The following AUH variants were observed in gnomAD, a reference collection of about 807,000 sequenced individuals.
The protein encoded by AUH is methylglutaconyl-CoA hydratase, mitochondrial.
A neutral mutation model predicts 42.3 loss-of-function variants in AUH; 29 were observed. That is an observed-to-expected ratio of 0.69 (90% CI 0.51 to 0.93). The LOEUF (loss-of-function observed/expected upper bound fraction) is 0.93, where lower values mean the gene tolerates loss of function less well. AUH is among the 40% of genes least tolerant of loss of function. The probability of loss-of-function intolerance (pLI) is 0.00; values close to 1 mark genes in which losing one functional copy is unlikely to be tolerated. For synonymous variants in AUH, 174 were observed against 166.4 expected (o/e 1.05, Z -0.35); for missense variants, 452 against 438.1 (o/e 1.03, Z -0.28).
Position 91,283,163 on chromosome 9 carries a change from C to A in AUH, c.655+12858G>T, listed in dbSNP as rs1398226218. Among the ~76,000 whole-genome samples the A allele has an allele frequency of 2.0e-5, 3 of 152,116 alleles. No individual in the cohort carries two copies. In the East Asian group the frequency reaches 5.8e-4, roughly 29 times the overall value. On this transcript the variant is annotated intron_variant, in intron 6 of 9. Transcript: ENST00000375731. ...GGATGCAAGGCTGGTTCAACATATG[C>A]AAATCAATAAACGTAATCCAGCATA...
At chr9:91,267,108 A>G (rs1830016123) in intron 6 of AUH, among the ~76,000 whole-genome samples, 1 of 152,246 alleles carries the variant, frequency 6.6e-6, no homozygotes, top group South Asian at 2.1e-4. Context: ...ATTGAAACTT[A>G]GAACTAGCAA....
At position 91,217,458 on chromosome 9, in the gene AUH, G is replaced by A. The variant is rs1014658164; in HGVS notation, c.844-131C>T. ...AGCAATGGCTGTCAGATACTAGATG[G>A]AAAATTTTCTGAGCCTTGCAAGGCT... On this transcript the variant is annotated intron_variant, in intron 7 of 9. Coordinates refer to ENST00000375731, the MANE Select transcript of AUH (RefSeq NM_001698.3). The A allele has an allele frequency of 3.6e-5, 34 of 942,772 alleles. No homozygotes were observed. The African/African-American group carries it at 5.5e-4, about 15-fold the overall frequency. The allele number at this position is 942,772 out of a possible 1,614,324, so 58.4% of individuals were successfully genotyped here. A position where few individuals can be genotyped will look rare whatever the true frequency, so the allele number is the denominator to read the frequency against.
At position 91,296,037 on chromosome 9, in the gene AUH, C is replaced by G; in HGVS notation, c.639G>C (p.Ala213=). 7 of 1,613,956 alleles carry G rather than the reference C, an allele frequency of 4.3e-6. No homozygotes were observed. The highest frequency in any genetic ancestry group is 5.9e-6 in the Non-Finnish European group (7 of 1,179,976). The change falls in exon 6 of 10, where the codon GCG becomes GCC. Residue 213 remains alanine (A), a synonymous_variant. Coordinates refer to ENST00000375731, the MANE Select transcript of AUH (RefSeq NM_001698.3). ...AKMGLVETKL[A]IIPGGGGTQR... ...TACTCATACCTCCACCAGGAATAAT[C>G]GCCAATTTTGTTTCAACCAGGCCCA... is the stretch of plus-strand genomic sequence containing the variant.
intron 6 of AUH, among the ~76,000 whole-genome samples, chr9:91,253,257 C>T (rs12375606): frequency 6.6e-6 from 1 of 152,120 alleles, no homozygotes; most frequent in Admixed American, 6.6e-5. Flanking sequence ...TTAGGGCTTT[C>T]TACATGGTAT....
chr9:91,257,461 C>T (rs989997016), intron 6 of AUH, among the ~76,000 whole-genome samples: 109 of 152,274 alleles, frequency 7.2e-4, no homozygotes, highest in African/African-American at 2.6e-3. Context: ...ATCCAGCCTC[C>T]TCCCACCCCA....
chr9:91,296,038 G>C lies in AUH; in HGVS notation c.638C>G (p.Ala213Gly), dbSNP rs774105176. The C allele has an allele frequency of 6.2e-7, 1 of 1,613,878 alleles. No individual in the cohort carries two copies. The highest frequency in any genetic ancestry group is 8.5e-7 in the Non-Finnish European group (1 of 1,179,986). Residue 213 changes from alanine to glycine, a missense_variant, in exon 6 of 10, where the codon GCG becomes GGG. Coordinates refer to ENST00000375731, the MANE Select transcript of AUH (RefSeq NM_001698.3). ...AKMGLVETKL[A>G]IIPGGGGTQR... ...ACTCATACCTCCACCAGGAATAATC[G>C]CCAATTTTGTTTCAACCAGGCCCAT...
intron 3 of AUH, among the ~76,000 whole-genome samples, chr9:91,344,046 T>C (rs1054185649): frequency 6.6e-6 from 1 of 152,190 alleles, no homozygotes; most frequent in African/African-American, 2.4e-5. Context: ...TTCTTCATTA[T>C]ACTCTCCTCC....
intron 6 of AUH, among the ~76,000 whole-genome samples, chr9:91,285,252 C>A (rs1230965232): frequency 6.7e-6 from 1 of 150,162 alleles, no homozygotes; most frequent in South Asian, 2.1e-4. Context: ...TAGGTGGGAA[C>A]TGAACAATGA....
intron 6 of AUH, among the ~76,000 whole-genome samples, chr9:91,291,101 G>C (rs979670575): frequency 9.2e-5 from 14 of 152,096 alleles, no homozygotes; most frequent in African/African-American, 3.4e-4. Context: ...ACAACCCTTG[G>C]CATTCCTTGG....
At chr9:91,311,311 T>G (rs945710447) in intron 4 of AUH, among the ~76,000 whole-genome samples, 20 of 152,214 alleles carry the variant, frequency 1.3e-4, no homozygotes, top group Non-Finnish European at 2.4e-4. Context: ...TTTAACATAA[T>G]TACCTGTATT....
intron 6 of AUH, among the ~76,000 whole-genome samples, chr9:91,295,082 T>G (rs1400124715): frequency 1.3e-5 from 2 of 152,158 alleles, no homozygotes; most frequent in Admixed American, 6.5e-5. Context: ...ATCTCATGCT[T>G]TTTTTAATAA....
In AUH at chr9:91,343,628, G is replaced by A. The variant is rs181944257; in HGVS notation, c.418+12255C>T. On this transcript the variant is annotated intron_variant, in intron 3 of 9. Coordinates refer to ENST00000375731, the MANE Select transcript of AUH (RefSeq NM_001698.3). ...AAAATACAAAAATTAGCCAGGTGTG[G>A]TGGTGCATGCCTGTAATCCCAGCTA... Among the ~76,000 whole-genome samples the A allele has an allele frequency of 1.1e-4, 17 of 152,268 alleles. No homozygotes were observed. The East Asian group carries it at 2.9e-3, about 26-fold the overall frequency.
At position 91,354,653 on chromosome 9, in the gene AUH, T is replaced by G. The variant is rs540337801; in HGVS notation, c.418+1230A>C. On this transcript the variant is annotated intron_variant, in intron 3 of 9. Transcript: ENST00000375731. ...AAACCTACTGCCAACAGAAAAACAA[T>G]GCCGGGATGACCACTAACACTTATT... Among the ~76,000 whole-genome samples, 11 of 152,268 alleles carry G rather than the reference T, an allele frequency of 7.2e-5. No homozygotes were observed. In the East Asian group the frequency reaches 2.1e-3, roughly 29 times the overall value.
Position 91,296,161 on chromosome 9 carries a change from A to C in AUH, c.599-84T>G, listed in dbSNP as rs879553839. 29 of 1,323,826 alleles carry C rather than the reference A, an allele frequency of 2.2e-5. 1 individual carries two copies. The Admixed American group carries it at 5.1e-4, about 23-fold the overall frequency. 82.0% of individuals were successfully genotyped at this position (1,323,826 alleles called of 1,614,324 possible). A position where few individuals can be genotyped will look rare whatever the true frequency, so the allele number is the denominator to read the frequency against. ...CTTGAAAAAGTTATGAGATATACTA[A>C]AATATTGTTTACTAATTAAATTGAT... On this transcript the variant is annotated intron_variant, in intron 5 of 9. Transcript: ENST00000375731.
chr9:91,301,392 A>G (rs979195951), intron 4 of AUH, among the ~76,000 whole-genome samples: 2 of 152,222 alleles, frequency 1.3e-5, no homozygotes, highest in Non-Finnish European at 2.9e-5. Context: ...TGGAATTAAT[A>G]AAAACTATTT....
intron 3 of AUH, chr9:91,343,117 A>T (rs1831228243): frequency 6.6e-6 from 1 of 152,124 alleles, no homozygotes; most frequent in East Asian, 1.9e-4. Context: ...GTAGACTATT[A>T]GTAGTTCAGT....
At position 91,256,094 on chromosome 9, in the gene AUH, AC is replaced by A. The variant is rs1277564744; in HGVS notation, c.656-35103del. ...TTGATCATTTGTAATATATGGAAGT[AC>A]TTGAAATTGCTTTTGGCTACTCCAT... On this transcript the variant is annotated intron_variant, in intron 6 of 9. Transcript: ENST00000375731. Among the ~76,000 whole-genome samples, 3 of 152,194 alleles carry A rather than the reference AC, an allele frequency of 2.0e-5. No individual in the cohort carries two copies. In the East Asian group the frequency reaches 5.8e-4, roughly 29 times the overall value.
At chr9:91,284,566 T>G (rs949514810) in intron 6 of AUH, among the ~76,000 whole-genome samples, 1 of 152,224 alleles carries the variant, frequency 6.6e-6, no homozygotes, top group African/African-American at 2.4e-5. Context: ...TCTACTCATC[T>G]GACAAAGGGC....
intron 3 of AUH, among the ~76,000 whole-genome samples, chr9:91,336,439 G>A (rs771563302): frequency 1.1e-4 from 17 of 152,016 alleles, no homozygotes; most frequent in Non-Finnish European, 1.9e-4. Flanking sequence ...AGACCAGTCT[G>A]GCTAACATGG....
Sources: gnomAD v4.1 joint callset for allele counts (sites outside exome capture counted in the v4.1 genomes callset) on GRCh38, gnomAD v4.1.1 for gene constraint, MANE v1.5 for transcripts, NCBI Gene and HGNC (gene_info 2026-07-23, HGNC 2026-07-21) for gene names.